Variants in TRIP12 observed in about 807,000 individuals in gnomAD.
The protein encoded by TRIP12 is thyroid hormone receptor interactor 12.
A neutral mutation model predicts 244.2 loss-of-function variants in TRIP12; 25 were observed. That is an observed-to-expected ratio of 0.10 (90% CI 0.07 to 0.14). The LOEUF (loss-of-function observed/expected upper bound fraction) is 0.14. Ranked by LOEUF, TRIP12 falls within the 10% of genes least tolerant of loss-of-function variation. The pLI, the probability that TRIP12 is intolerant of heterozygous loss-of-function variation, is 1.00. For synonymous variants in TRIP12, 905 were observed against 873.1 expected (o/e 1.04, Z -0.64); for missense variants, 1,677 against 2,486.4 (o/e 0.67, Z 6.92).
intron 4 of TRIP12, among the ~76,000 whole-genome samples, chr2:229,851,704 C>G (rs1050526452): frequency 6.6e-5 from 10 of 152,136 alleles, no homozygotes; most frequent in Non-Finnish European, 1.3e-4. Flanking sequence ...ATGAGCCCAC[C>G]GGGAGGAAGG....
chr2:229,903,018 C>CTTTTTTTTTTTTTTTTTTT (rs57794819), intron 1 of TRIP12, among the ~76,000 whole-genome samples: 10 of 104,876 alleles, frequency 9.5e-5, no homozygotes, highest in Non-Finnish European at 1.8e-4. Context: ...TTCTTTTTTT[C>CTTTTTTTTTTTTTTTTTTT]TTTTTTTTTT....
intron 4 of TRIP12, among the ~76,000 whole-genome samples, chr2:229,851,065 C>A (rs1259221035): frequency 6.6e-6 from 1 of 152,234 alleles, no homozygotes; most frequent in African/African-American, 2.4e-5. Context: ...TCCAGGGCAC[C>A]CAGTACCATC....
intron 33 of TRIP12, among the ~76,000 whole-genome samples, 189 bp from the exon 34 acceptor site, chr2:229,786,044 T>G (rs1446539582): frequency 6.6e-6 from 1 of 152,218 alleles, no homozygotes; most frequent in Non-Finnish European, 1.5e-5. Context: ...CACCCTGGCA[T>G]ACATTAAGGA....
Position 229,798,886 on chromosome 2 carries a change from G to C in TRIP12, c.3471C>G (p.Ile1157Met). 1 of 1,613,184 alleles carries C rather than the reference G, an allele frequency of 6.2e-7. No individual in the cohort carries two copies. Reference sequence around the variant, plus strand: ...TCCCCCCACTTCACCTATTATTGGAGATGGTATCCTTTGAGGCAGCCCTGG... The same window carrying C: ...TCCCCCCACTTCACCTATTATTGGACATGGTATCCTTTGAGGCAGCCCTGG... ...GLARAASKDTISNNREKIKGW... is the reference protein window; with the variant it reads ...GLARAASKDTMSNNREKIKGW... Residue 1157 changes from isoleucine to methionine, a missense_variant, in exon 23 of 42, where the codon ATC becomes ATG. This residue lies in a region of TRIP12 where 572 missense variants were observed against 867.8 expected (regional missense o/e 0.66). Coordinates refer to ENST00000675903, the MANE Select transcript of TRIP12 (RefSeq NM_001348323.3).
rs566564816 is a variant in TRIP12, at chr2:229,883,822, TTAACTC to T, written c.-49-3700_-49-3695del. Among the ~76,000 whole-genome samples, 13 of 152,350 alleles carry T rather than the reference TTAACTC, an allele frequency of 8.5e-5. No individual in the cohort carries two copies. In the South Asian group the frequency reaches 2.5e-3, roughly 29 times the overall value. ...CTTTTCATTTTATGTGAAAATGTAT[TTAACTC>T]TACACGCAAATACCACATAGAGAAA... On this transcript the variant is annotated intron_variant, in intron 1 of 41. Transcript: ENST00000675903.
chr2:229,821,914 C>A (rs144054006), intron 8 of TRIP12, among the ~76,000 whole-genome samples: 2 of 152,088 alleles, frequency 1.3e-5, no homozygotes, highest in East Asian at 1.9e-4. Context: ...CCAAGATGGG[C>A]GGATCACCTG....
intron 20 of TRIP12, among the ~76,000 whole-genome samples, chr2:229,803,324 G>A (rs1008433449): frequency 6.6e-6 from 1 of 152,172 alleles, no homozygotes; most frequent in African/African-American, 2.4e-5. Context: ...ATGTTGGCCA[G>A]GCTGGTCTCC....
At chr2:229,808,120 C>G in intron 16 of TRIP12, 132 bp downstream of exon 16, 1 of 742,768 alleles carries the variant, frequency 1.3e-6, no homozygotes, top group Non-Finnish European at 2.2e-6. Flanking sequence ...GCGCCCGCCA[C>G]TACGCCCAGG....
At chr2:229,898,322 A>G (rs770469618) in intron 1 of TRIP12, among the ~76,000 whole-genome samples, 2 of 152,224 alleles carry the variant, frequency 1.3e-5, no homozygotes, top group Non-Finnish European at 2.9e-5. Context: ...ATTTCCCCCA[A>G]TAACAAAGAC....
At chr2:229,907,382 A>C (rs1219208690) in intron 1 of TRIP12, among the ~76,000 whole-genome samples, 1 of 152,242 alleles carries the variant, frequency 6.6e-6, no homozygotes, top group Non-Finnish European at 1.5e-5. Context: ...CTTGCTGCAG[A>C]GTCCATAACA....
chr2:229,861,344 T>A (rs886359299), intron 2 of TRIP12, among the ~76,000 whole-genome samples: 3 of 152,216 alleles, frequency 2.0e-5, no homozygotes, highest in African/African-American at 4.8e-5. Context: ...AATGGTTACA[T>A]GAGATTTACA....
At chr2:229,822,936 T>C (rs2050461144) in intron 8 of TRIP12, among the ~76,000 whole-genome samples, 2 of 151,986 alleles carry the variant, frequency 1.3e-5, no homozygotes, top group Non-Finnish European at 2.9e-5. Flanking sequence ...CATTGACGGG[T>C]TTAACAAAAG....
chr2:229,789,054 G>C (rs953593870), intron 31 of TRIP12, 114 bp from the exon 32 acceptor site: 10 of 944,610 alleles, frequency 1.1e-5, no homozygotes, highest in Admixed American at 2.7e-5. Flanking sequence ...TCACGTGTTG[G>C]TTTCCAACAT....
chr2:229,814,974 T>A, intron 11 of TRIP12, 125 bp downstream of exon 11: 1 of 718,726 alleles, frequency 1.4e-6, no homozygotes, highest in Non-Finnish European at 2.3e-6. Context: ...ATTGATCTGC[T>A]GGACATAAAA....
At chr2:229,872,265 C>T (rs1422996334) in intron 2 of TRIP12, among the ~76,000 whole-genome samples, 2 of 151,682 alleles carry the variant, frequency 1.3e-5, no homozygotes, top group Admixed American at 1.3e-4. Context: ...CCCCATCTCT[C>T]TTTTAAAAAA....
chr2:229,808,729 T>G (rs2046503301), intron 15 of TRIP12, among the ~76,000 whole-genome samples: 1 of 152,232 alleles, frequency 6.6e-6, no homozygotes, highest in Non-Finnish European at 1.5e-5. Flanking sequence ...ATTTATGTAC[T>G]TGTCTTCAAT....
Position 229,851,687 on chromosome 2 carries a change from C to T in TRIP12, c.1027+7085G>A, listed in dbSNP as rs2058733689. Reference sequence around the variant, plus strand: ...TCTGCAGCTTCACTCCTGAAGCCAGCAAGACCATGAGCCCACCGGGAGGAA... The same window carrying T: ...TCTGCAGCTTCACTCCTGAAGCCAGTAAGACCATGAGCCCACCGGGAGGAA... On this transcript the variant is annotated intron_variant, in intron 4 of 41. Coordinates refer to ENST00000675903, the MANE Select transcript of TRIP12 (RefSeq NM_001348323.3). 2.6e-5 allele frequency among the ~76,000 whole-genome samples: 4 copies of T among 152,240 alleles called. 1 individual carries two copies. The South Asian group carries it at 6.2e-4, about 24-fold the overall frequency.
At chr2:229,785,170 T>TA (rs2039603333) in intron 34 of TRIP12, among the ~76,000 whole-genome samples, 1 of 152,166 alleles carries the variant, frequency 6.6e-6, no homozygotes, top group South Asian at 2.1e-4. Context: ...AGCATTATGC[T>TA]AAGTGAAAGA....
At chr2:229,793,259 A>T in intron 26 of TRIP12, 114 bp from the exon 27 acceptor site, 1 of 1,027,950 alleles carries the variant, frequency 9.7e-7, no homozygotes, top group Non-Finnish European at 1.3e-6. Flanking sequence ...CACTAGTACT[A>T]AGCATTTACT....
Sources: gnomAD v4.1 joint callset for allele counts (sites outside exome capture counted in the v4.1 genomes callset) on GRCh38, gnomAD v4.1.1 for gene constraint, gnomAD v4.1.1 regional missense constraint, MANE v1.5 for transcripts, NCBI Gene and HGNC (gene_info 2026-07-23, HGNC 2026-07-21) for gene names.